PRKCB: variants seen among roughly 807,000 people sequenced by gnomAD.
The protein encoded by PRKCB is protein kinase C beta.
PRKCB carries 13 observed loss-of-function variants against 81.5 expected under a neutral mutation model. The ratio of observed to expected loss-of-function variants is 0.16; its 90% CI spans 0.10 to 0.25. The LOEUF is 0.25. Ranked by LOEUF, PRKCB falls within the 10% of genes least tolerant of loss-of-function variation. The pLI is 1.00. For missense variants in PRKCB, 509 were observed against 875.7 expected, an observed-to-expected ratio of 0.58 and a Z score of 5.29; for synonymous variants, 335 against 321.4, an observed-to-expected ratio of 1.04 and a Z score of -0.45.
intron 2 of PRKCB, among the ~76,000 whole-genome samples, chr16:23,957,304 T>G (rs947817785): frequency 9.2e-5 from 14 of 152,136 alleles, no homozygotes; most frequent in Admixed American, 2.0e-4. Flanking sequence ...TTATTCTAAA[T>G]AAAGATGAAT....
intron 3 of PRKCB, among the ~76,000 whole-genome samples, chr16:24,017,476 T>C (rs1965294134): frequency 6.6e-6 from 1 of 151,530 alleles, no homozygotes; most frequent in Non-Finnish European, 1.5e-5. Flanking sequence ...AGGGAAAAAT[T>C]TGCACTTTAT....
Position 24,215,389 on chromosome 16 carries a change from T to G in PRKCB, c.*573T>G, listed in dbSNP as rs1429019620. On this transcript the variant is annotated 3_prime_UTR_variant, in exon 17 of 17. Coordinates refer to ENST00000643927, the MANE Select transcript of PRKCB (RefSeq NM_002738.7). Reference sequence around the variant, plus strand: ...GTTCTAAAATTCCAAGAATGTGCTTTTAGACGGTCTCAATCTAAAAGCACT... The same window carrying G: ...GTTCTAAAATTCCAAGAATGTGCTTGTAGACGGTCTCAATCTAAAAGCACT... 3.1e-5 allele frequency: 31 copies of G among 986,042 alleles called. No individual in the cohort carries two copies. Among genetic ancestry groups the G allele is most frequent in the Non-Finnish European group, 3.7e-5 (31 of 830,158 alleles). The allele number at this position is 986,042 out of a possible 1,614,324, so 61.1% of individuals were successfully genotyped here.
chr16:23,896,413 G>T (rs1253829065), intron 2 of PRKCB, among the ~76,000 whole-genome samples: 1 of 152,120 alleles, frequency 6.6e-6, no homozygotes, highest in African/African-American at 2.4e-5. Flanking sequence ...TGAGAGAAAC[G>T]TATTTGATGT....
intron 16 of PRKCB, among the ~76,000 whole-genome samples, chr16:24,193,476 T>A (rs954200516): frequency 2.1e-4 from 30 of 139,802 alleles, no homozygotes; most frequent in Admixed American, 7.4e-4. Context: ...AATAAATAAA[T>A]AAATAAATAA....
At chr16:23,858,402 G>A (rs1962608348) in intron 2 of PRKCB, among the ~76,000 whole-genome samples, 1 of 152,192 alleles carries the variant, frequency 6.6e-6, no homozygotes, top group Non-Finnish European at 1.5e-5. Flanking sequence ...ATGGCAACCA[G>A]GAAGGATCTG....
chr16:23,915,709 A>AAAAAAAAAAAC (rs1963727317), intron 2 of PRKCB, among the ~76,000 whole-genome samples: 1 of 150,842 alleles, frequency 6.6e-6, no homozygotes, highest in African/African-American at 2.4e-5. Context: ...AAAAAAAAAA[A>AAAAAAAAAAAC]AAAGCAGAAA....
At chr16:23,901,272 C>T (rs1002456170) in intron 2 of PRKCB, among the ~76,000 whole-genome samples, 3 of 152,032 alleles carry the variant, frequency 2.0e-5, no homozygotes, top group Non-Finnish European at 4.4e-5. Context: ...CCTTTATGAT[C>T]GATCATACCC....
chr16:24,190,740 A>G (rs1967779074), intron 15 of PRKCB, among the ~76,000 whole-genome samples: 1 of 151,860 alleles, frequency 6.6e-6, no homozygotes, highest in African/African-American at 2.4e-5. Context: ...GATGGTCTCA[A>G]TCTCTTGACC....
intron 9 of PRKCB, among the ~76,000 whole-genome samples, chr16:24,141,169 G>A (rs1157721112): frequency 2.6e-5 from 4 of 152,024 alleles, no homozygotes; most frequent in African/African-American, 9.7e-5. Flanking sequence ...AACCTGCTGT[G>A]AGACCTCTTG....
At chr16:23,893,293 C>T (rs183842787) in intron 2 of PRKCB, 10 of 152,266 alleles carry the variant, frequency 6.6e-5, no homozygotes, top group African/African-American at 2.4e-4. Flanking sequence ...TTGGCCATGG[C>T]ATGAAGGTTT....
intron 16 of PRKCB, among the ~76,000 whole-genome samples, chr16:24,207,621 A>G (rs1235851308): frequency 6.6e-6 from 1 of 152,182 alleles, no homozygotes; most frequent in East Asian, 1.9e-4. Flanking sequence ...CATCAAATAG[A>G]TGTATCATTA....
chr16:24,148,479 G>T (rs1033445673), intron 9 of PRKCB, among the ~76,000 whole-genome samples: 2 of 152,200 alleles, frequency 1.3e-5, no homozygotes, highest in Admixed American at 1.3e-4. Context: ...TTAACTGAAA[G>T]AATTGTCTAG....
At chr16:24,086,082 G>A (rs1966307467) in intron 5 of PRKCB, among the ~76,000 whole-genome samples, 1 of 152,162 alleles carries the variant, frequency 6.6e-6, no homozygotes, top group Non-Finnish European at 1.5e-5. Context: ...TATACAGCAT[G>A]GCCAGTTACA....
At chr16:24,113,365 TTTCC>T (rs371575113) in intron 8 of PRKCB, among the ~76,000 whole-genome samples, 14 of 141,212 alleles carry the variant, frequency 9.9e-5, no homozygotes, top group South Asian at 2.3e-4. Flanking sequence ...TTCTTTGTTT[TTTCC>T]TTCCTTCCTT....
chr16:24,096,307 G>C (rs1346100761), intron 7 of PRKCB, among the ~76,000 whole-genome samples: 1 of 152,060 alleles, frequency 6.6e-6, no homozygotes, highest in Non-Finnish European at 1.5e-5. Context: ...TTGTCACAAA[G>C]TTAACTTGGC....
Position 23,856,523 on chromosome 16 carries a change from C to G in PRKCB, c.205+19117C>G, listed in dbSNP as rs542331843. 4.7e-5 allele frequency among the ~76,000 whole-genome samples: 3 copies of G among 63,938 alleles called. No individual in the cohort carries two copies. In the East Asian group the frequency reaches 1.5e-3, roughly 31 times the overall value. 41.9% of individuals were successfully genotyped at this position (63,938 alleles called of 152,430 possible). ...CTCAGGAAGGGTAGATATTGTTTCA[C>G]GAAACTTTTTTTTTTTTTGAGACAG... is the stretch of plus-strand genomic sequence containing the variant. On this transcript the variant is annotated intron_variant, in intron 2 of 16. Transcript: ENST00000643927.
chr16:23,948,481 G>A (rs2428113), intron 2 of PRKCB, among the ~76,000 whole-genome samples: 4 of 152,150 alleles, frequency 2.6e-5, no homozygotes, highest in Non-Finnish European at 4.4e-5. Context: ...TTGGCTCACT[G>A]CAACCTCCAC....
In PRKCB at chr16:23,902,752, T is replaced by C. The variant is rs922654731; in HGVS notation, c.205+65346T>C. Among the ~76,000 whole-genome samples the C allele has an allele frequency of 7.6e-3, 195 of 25,560 alleles. 9 individuals are homozygous for C. The highest frequency in any genetic ancestry group is 0.024 in the African/African-American group (116 of 4,920). The allele number at this position is 25,560 out of a possible 152,430, so 16.8% of individuals were successfully genotyped here. On this transcript the variant is annotated intron_variant, in intron 2 of 16. Coordinates refer to ENST00000643927, the MANE Select transcript of PRKCB (RefSeq NM_002738.7). ...TTCCTCCCTTCCTTCCTTCCTTCCT[T>C]CCTTCCTTCCTTCCTTCCTTCCTTC...
intron 2 of PRKCB, among the ~76,000 whole-genome samples, chr16:23,863,226 ATGTG>A (rs1419186282): frequency 1.2e-4 from 9 of 72,734 alleles, no homozygotes; most frequent in African/African-American, 3.1e-4. Context: ...ATACATATAT[ATGTG>A]TATATATATA....
Sources: allele counts gnomAD v4.1 joint callset (sites outside exome capture counted in the v4.1 genomes callset), GRCh38; gene constraint gnomAD v4.1.1; transcripts MANE v1.5; gene names NCBI Gene and HGNC (gene_info 2026-07-23, HGNC 2026-07-21).